Variants in MCC observed in about 807,000 individuals in gnomAD.
The protein encoded by MCC is MCC regulator of Wnt signaling pathway.
In MCC, 90 loss-of-function variants were observed where a neutral mutation model predicts 116.2. The ratio of observed to expected loss-of-function variants is 0.77; its 90% CI spans 0.65 to 0.92. The LOEUF (loss-of-function observed/expected upper bound fraction) is 0.92, where lower values mean the gene tolerates loss of function less well. MCC is among the 40% of genes least tolerant of loss of function. The pLI, the probability that MCC is intolerant of heterozygous loss-of-function variation, is 0.00. For missense variants in MCC, 1,516 were observed against 1,312.2 expected, an observed-to-expected ratio of 1.16 and a Z score of -2.40; for synonymous variants, 578 against 510.5, an observed-to-expected ratio of 1.13 and a Z score of -1.78.
At chr5:113,087,174 T>C (rs970154998) in intron 8 of MCC, among the ~76,000 whole-genome samples, 1 of 152,206 alleles carries the variant, frequency 6.6e-6, no homozygotes, top group Non-Finnish European at 1.5e-5. Flanking sequence ...GTCTAGGATG[T>C]CTCCATCCTG....
chr5:113,057,058 C>T lies in MCC; in HGVS notation c.2214-3099G>A, dbSNP rs143328044. On this transcript the variant is annotated intron_variant, in intron 14 of 18. Coordinates refer to ENST00000408903, the MANE Select transcript of MCC (RefSeq NM_001085377.2). The stretch of plus-strand genomic sequence containing the variant: ...CTAAGGGAGGCGAGAGAGGGAGCTA[C>T]GTGGATGTTTGCAGGACACAGTAAA... 4.7e-4 allele frequency among the ~76,000 whole-genome samples: 71 copies of T among 152,164 alleles called. 1 individual carries two copies. Among genetic ancestry groups the T allele is most frequent in the Non-Finnish European group, 6.9e-4 (47 of 68,014 alleles).
intron 1 of MCC, among the ~76,000 whole-genome samples, chr5:113,487,407 G>A (rs544106466): frequency 6.6e-5 from 10 of 152,186 alleles, no homozygotes; most frequent in Non-Finnish European, 1.2e-4. Flanking sequence ...AAAATGTTGC[G>A]ATTGCCTTCT....
intron 1 of MCC, among the ~76,000 whole-genome samples, chr5:113,472,544 G>C (rs1772122387): frequency 6.6e-6 from 1 of 152,166 alleles, no homozygotes; most frequent in South Asian, 2.1e-4. Flanking sequence ...TACATTCAAT[G>C]AATGTTTAAC....
intron 3 of MCC, among the ~76,000 whole-genome samples, chr5:113,209,995 T>C (rs184280500): frequency 2.3e-4 from 35 of 152,240 alleles, no homozygotes; most frequent in Admixed American, 1.8e-3. Flanking sequence ...AAGATTGGTA[T>C]GATATGGTCT....
At chr5:113,062,378 C>T (rs1753283002) in intron 14 of MCC, among the ~76,000 whole-genome samples, 1 of 152,184 alleles carries the variant, frequency 6.6e-6, no homozygotes, top group African/African-American at 2.4e-5. Context: ...ATTGTTCTCC[C>T]TCCTGACTGG....
intron 12 of MCC, among the ~76,000 whole-genome samples, chr5:113,068,533 C>T (rs948924715): frequency 2.0e-5 from 3 of 152,216 alleles, no homozygotes; most frequent in Non-Finnish European, 4.4e-5. Context: ...GTGTCCACAC[C>T]CTTGTGCTGT....
At chr5:113,120,944 T>C (rs564668487) in intron 6 of MCC, among the ~76,000 whole-genome samples, 55 of 152,204 alleles carry the variant, frequency 3.6e-4, no homozygotes, top group Non-Finnish European at 6.9e-4. Flanking sequence ...ACCTATCATA[T>C]AGTTCCTGCC....
chr5:113,029,207 T>G, intron 17 of MCC, 151 bp from the exon 18 acceptor site: 3 of 565,312 alleles, frequency 5.3e-6, no homozygotes, highest in Non-Finnish European at 8.7e-6. Flanking sequence ...CCAACAGCGC[T>G]ACTGTCACCT....
In MCC at chr5:113,208,065, T is replaced by C. The variant is rs376074418; in HGVS notation, c.628-56643A>G. ...ATCCCATACTTTCCACTTTGTATGA[T>C]GATTACAACTTCCTCTCCATTCATT... On this transcript the variant is annotated intron_variant, in intron 3 of 18. Coordinates refer to ENST00000408903, the MANE Select transcript of MCC (RefSeq NM_001085377.2). Among the ~76,000 whole-genome samples the C allele has an allele frequency of 2.6e-5, 4 of 152,256 alleles. No individual in the cohort carries two copies. In the East Asian group the frequency reaches 5.8e-4, roughly 22 times the overall value.
chr5:113,392,314 A>G (rs996397462), intron 1 of MCC, among the ~76,000 whole-genome samples: 1 of 152,190 alleles, frequency 6.6e-6, no homozygotes, highest in Non-Finnish European at 1.5e-5. Context: ...CCAATGGCCA[A>G]TGAAGATATA....
chr5:113,233,617 T>C (rs527919822), intron 3 of MCC, among the ~76,000 whole-genome samples: 1 of 152,310 alleles, frequency 6.6e-6, no homozygotes, highest in South Asian at 2.1e-4. Context: ...GGCACATATG[T>C]GACTTCTCTC....
chr5:113,045,184 C>G (rs1751989300), intron 16 of MCC, among the ~76,000 whole-genome samples: 1 of 152,324 alleles, frequency 6.6e-6, no homozygotes, highest in East Asian at 1.9e-4. Flanking sequence ...ACTGCTCTGT[C>G]TCATTCACGG....
intron 3 of MCC, among the ~76,000 whole-genome samples, chr5:113,309,992 T>C (rs957024018): frequency 6.8e-6 from 1 of 147,796 alleles, no homozygotes; most frequent in Non-Finnish European, 1.5e-5. Flanking sequence ...GAATTTCATA[T>C]TCTAGAACTA....
At chr5:113,333,939 GACA>G (rs1328453331) in intron 3 of MCC, among the ~76,000 whole-genome samples, 1 of 80,358 alleles carries the variant, frequency 1.2e-5, no homozygotes, top group Non-Finnish European at 2.2e-5. Flanking sequence ...TTTGAGGGAA[GACA>G]AGGAGACAAA....
chr5:113,472,331 T>G lies in MCC; in HGVS notation c.170+15914A>C, dbSNP rs192609556. ...GGCCATTCTGAGCATGGTGCATACT[T>G]CTTGCAACAAACTTACCCCTGAATA... On this transcript the variant is annotated intron_variant, in intron 1 of 18. Transcript: ENST00000408903. 3.3e-5 allele frequency among the ~76,000 whole-genome samples: 5 copies of G among 152,328 alleles called. No homozygotes were observed. The East Asian group carries it at 7.7e-4, about 23-fold the overall frequency.
At chr5:113,482,642 C>T (rs983760153) in intron 1 of MCC, among the ~76,000 whole-genome samples, 1 of 152,118 alleles carries the variant, frequency 6.6e-6, no homozygotes, top group African/African-American at 2.4e-5. Flanking sequence ...TTTATAAATT[C>T]TAAATACTAG....
rs145842318 is a variant in MCC at position 113,232,542 on chromosome 5, C to G, written c.628-81120G>C. Among the ~76,000 whole-genome samples, 240 of 152,252 alleles carry G rather than the reference C, an allele frequency of 1.6e-3. 4 individuals are homozygous for G. The highest frequency in any genetic ancestry group is 0.014 in the Middle Eastern group (4 of 294). Reference sequence around the variant, plus strand: ...CCCAAAAAAGCTGAGATCAGAGACTCTGTCAGTTTACTTGGTAGTTTTTTC... The same window carrying G: ...CCCAAAAAAGCTGAGATCAGAGACTGTGTCAGTTTACTTGGTAGTTTTTTC... On this transcript the variant is annotated intron_variant, in intron 3 of 18. Coordinates refer to ENST00000408903, the MANE Select transcript of MCC (RefSeq NM_001085377.2).
At chr5:113,161,983 C>A (rs750357052) in intron 3 of MCC, among the ~76,000 whole-genome samples, 1 of 152,162 alleles carries the variant, frequency 6.6e-6, no homozygotes, top group African/African-American at 2.4e-5. Flanking sequence ...GACGGATGGG[C>A]CATTTACCGT....
At chr5:113,387,899 C>A (rs1392510899) in intron 1 of MCC, among the ~76,000 whole-genome samples, 1 of 152,180 alleles carries the variant, frequency 6.6e-6, no homozygotes, top group East Asian at 1.9e-4. Context: ...ACCCCAGTTT[C>A]ATGATTAGGG....
Sources: allele counts gnomAD v4.1 joint callset (sites outside exome capture counted in the v4.1 genomes callset), GRCh38; gene constraint gnomAD v4.1.1; transcripts MANE v1.5; gene names NCBI Gene and HGNC (gene_info 2026-07-23, HGNC 2026-07-21).